Variants in NXN observed in about 807,000 individuals in gnomAD.
NXN encodes the protein nucleoredoxin.
A neutral mutation model predicts 48.6 loss-of-function variants in NXN; 16 were observed. The observed-to-expected ratio is 0.33, with a 90% CI of 0.22 to 0.50. The LOEUF (loss-of-function observed/expected upper bound fraction) is 0.50. NXN is among the 20% of genes least tolerant of loss of function. The probability of loss-of-function intolerance (pLI) is 0.98; values close to 1 mark genes in which losing one functional copy is unlikely to be tolerated. For missense variants in NXN, 492 were observed against 605.5 expected (o/e 0.81, Z 1.97); for synonymous variants, 281 against 269.6 (o/e 1.04, Z -0.41).
intron 1 of NXN, among the ~76,000 whole-genome samples, chr17:948,051 A>C (rs1007136746): frequency 3.3e-5 from 5 of 152,116 alleles, no homozygotes; most frequent in Non-Finnish European, 7.3e-5. Context: ...TCTCTCAAAA[A>C]CAAAACAAAA....
chr17:874,992 G>T (rs2068198498), intron 1 of NXN, among the ~76,000 whole-genome samples: 1 of 151,914 alleles, frequency 6.6e-6, no homozygotes, highest in Admixed American at 6.6e-5. Flanking sequence ...AGCACTTTGT[G>T]TCAAGCACCA....
chr17:957,797 A>T (rs919660551), intron 1 of NXN, among the ~76,000 whole-genome samples: 22 of 151,312 alleles, frequency 1.5e-4, no homozygotes, highest in Middle Eastern at 3.4e-3. Flanking sequence ...TGGAACCCAG[A>T]CTCTCTTTCT....
chr17:864,714 G>C (rs2068079266), intron 1 of NXN, among the ~76,000 whole-genome samples: 1 of 152,140 alleles, frequency 6.6e-6, no homozygotes, highest in African/African-American at 2.4e-5. Context: ...TGACCCCACT[G>C]CTCACTCTGA....
intron 1 of NXN, among the ~76,000 whole-genome samples, chr17:873,388 C>T (rs563631654): frequency 4.1e-4 from 61 of 150,214 alleles, no homozygotes; most frequent in Non-Finnish European, 7.1e-4. Flanking sequence ...TCCCAGCTAC[C>T]TGGGAGGCTG....
At chr17:963,625 A>AT (rs944291331) in intron 1 of NXN, among the ~76,000 whole-genome samples, 4 of 149,444 alleles carry the variant, frequency 2.7e-5, no homozygotes, top group South Asian at 2.1e-4. Flanking sequence ...CAAAAAGGAA[A>AT]TTTTTTTTTT....
At chr17:910,128 T>C (rs1251600709) in intron 1 of NXN, among the ~76,000 whole-genome samples, 2 of 152,136 alleles carry the variant, frequency 1.3e-5, no homozygotes, top group Non-Finnish European at 2.9e-5. Context: ...AATTCTAATC[T>C]TGGCCAGGCC....
chr17:900,627 A>G (rs1256758244), intron 1 of NXN, among the ~76,000 whole-genome samples: 2 of 152,210 alleles, frequency 1.3e-5, no homozygotes, highest in Admixed American at 6.5e-5. Context: ...GAGAAGAAAC[A>G]TGAATGATAC....
At chr17:961,529 G>A (rs1452784518) in intron 1 of NXN, among the ~76,000 whole-genome samples, 2 of 152,198 alleles carry the variant, frequency 1.3e-5, no homozygotes, top group Non-Finnish European at 1.5e-5. Context: ...CTTCAGGAGG[G>A]CAAGGTAAAA....
chr17:864,124 T>G, intron 1 of NXN: 1 of 1,464,638 alleles, frequency 6.8e-7, no homozygotes, highest in Non-Finnish European at 9.0e-7. Flanking sequence ...CGTTGCTCAC[T>G]TCCGGTGAAG....
intron 5 of NXN, among the ~76,000 whole-genome samples, chr17:807,243 AT>A (rs113007265): frequency 6.6e-6 from 1 of 151,938 alleles, no homozygotes; most frequent in Non-Finnish European, 1.5e-5. Flanking sequence ...CCTTCTCAAA[AT>A]CCCCCCGGCA....
intron 1 of NXN, among the ~76,000 whole-genome samples, chr17:832,427 C>T (rs191938009): frequency 5.3e-5 from 8 of 152,070 alleles, no homozygotes; most frequent in East Asian, 1.9e-4. Flanking sequence ...ACCTCGTGTC[C>T]GCCCGCCTTG....
intron 1 of NXN, among the ~76,000 whole-genome samples, chr17:870,124 A>G (rs2068136063): frequency 6.6e-6 from 1 of 152,116 alleles, no homozygotes; most frequent in African/African-American, 2.4e-5. Context: ...CTCCTCCCAC[A>G]GCAAAGAAGT....
chr17:853,723 A>ATATATATATATATTTTTT (rs1491528474), intron 1 of NXN, among the ~76,000 whole-genome samples: 3 of 106,000 alleles, frequency 2.8e-5, no homozygotes, highest in African/African-American at 4.3e-5. Context: ...ATATATATAT[A>ATATATATATATATTTTTT]TTTTTTTTTT....
chr17:808,359 G>C (rs1444420936), intron 5 of NXN, among the ~76,000 whole-genome samples: 1 of 149,286 alleles, frequency 6.7e-6, no homozygotes, highest in South Asian at 2.1e-4. Context: ...CTGGAGTGCA[G>C]TGGCGCGATC....
At chr17:902,840 G>A (rs540272061) in intron 1 of NXN, among the ~76,000 whole-genome samples, 13 of 150,130 alleles carry the variant, frequency 8.7e-5, no homozygotes, top group African/African-American at 2.5e-4. Context: ...GTGCAATGGC[G>A]CGATCTCAGC....
chr17:900,121 G>A (rs1208118664), intron 1 of NXN, among the ~76,000 whole-genome samples: 3 of 151,812 alleles, frequency 2.0e-5, no homozygotes, highest in South Asian at 2.1e-4. Flanking sequence ...CAAAATTAGC[G>A]GGGTGTGGTG....
At chr17:811,962 C>G (rs1453840102) in intron 5 of NXN, among the ~76,000 whole-genome samples, 3 of 121,346 alleles carry the variant, frequency 2.5e-5, no homozygotes, top group African/African-American at 3.2e-5. Flanking sequence ...GAGTCTCGCT[C>G]TGTCGCCCAG....
chr17:841,522 C>CA lies in NXN; in HGVS notation c.361-15445_361-15444insT, dbSNP rs878921026. On this transcript the variant is annotated intron_variant, in intron 1 of 7. Transcript: ENST00000336868. ...CGCATCTCACACGGGCGAGCAGGTC[C>CA]CCCCGACCATGGAGCATCTCACGCC... Among the ~76,000 whole-genome samples the CA allele has an allele frequency of 5.7e-3, 636 of 112,088 alleles. 15 individuals carry two copies. Among genetic ancestry groups the CA allele is most frequent in the Middle Eastern group, 0.011 (2 of 176 alleles). The allele number at this position is 112,088 out of a possible 152,430, so 73.5% of individuals were successfully genotyped here.
intron 1 of NXN, among the ~76,000 whole-genome samples, chr17:964,299 T>TAAG (rs2069276270): frequency 2.0e-5 from 3 of 152,174 alleles, no homozygotes; most frequent in Non-Finnish European, 4.4e-5. Context: ...TCTATTTGCC[T>TAAG]GAACTGTTGG....
Sources: allele counts gnomAD v4.1 joint callset (sites outside exome capture counted in the v4.1 genomes callset), GRCh38; gene constraint gnomAD v4.1.1; transcripts MANE v1.5; gene names NCBI Gene and HGNC (gene_info 2026-07-23, HGNC 2026-07-21).